Variants in WWOX observed in about 807,000 individuals in gnomAD.
WWOX encodes WW domain-containing oxidoreductase.
Under a neutral mutation model 46.2 loss-of-function variants are expected in WWOX, and 69 were observed. That is an observed-to-expected ratio of 1.49 (90% CI 1.23 to 1.82). The LOEUF is 1.82. Ranked by LOEUF, WWOX falls within the 40% of genes most tolerant of loss-of-function variation. The pLI, the probability that WWOX is intolerant of heterozygous loss-of-function variation, is 0.00. For synonymous variants in WWOX, 359 were observed against 202.6 expected, an observed-to-expected ratio of 1.77 and a Z score of -6.56; for missense variants, 919 against 542.6, an observed-to-expected ratio of 1.69 and a Z score of -6.89.
intron 8 of WWOX, among the ~76,000 whole-genome samples, chr16:78,802,049 C>T (rs74512866): frequency 0.037 from 5,624 of 152,136 alleles, 366 homozygotes; most frequent in African/African-American, 0.13. Flanking sequence ...TCTCCTGGCT[C>T]TGCTGGTTAT....
At position 79,096,952 on chromosome 16, in the gene WWOX, A is replaced by G. The variant is rs549989852; in HGVS notation, c.1057-114656A>G. The stretch of plus-strand genomic sequence containing the variant: ...GGGGACATCTGTGGGCATATTGGGG[A>G]GGGGGCCAGGAAGAAGCCAGGAAGG... On this transcript the variant is annotated intron_variant, in intron 8 of 8. Transcript: ENST00000566780. Among the ~76,000 whole-genome samples the G allele has an allele frequency of 2.8e-4, 43 of 151,944 alleles. No individual in the cohort carries two copies. In the Middle Eastern group the frequency reaches 0.014, roughly 48 times the overall value.
chr16:78,844,181 C>G (rs897022822), intron 8 of WWOX, among the ~76,000 whole-genome samples: 5 of 152,142 alleles, frequency 3.3e-5, no homozygotes, highest in Admixed American at 1.3e-4. Flanking sequence ...TGATTCCCCA[C>G]CTCCATACCT....
At chr16:78,265,202 T>C (rs964198457) in intron 5 of WWOX, among the ~76,000 whole-genome samples, 3 of 151,982 alleles carry the variant, frequency 2.0e-5, no homozygotes, top group Middle Eastern at 3.4e-3. Flanking sequence ...GGTTTCATCA[T>C]GTAGGCCAGG....
At chr16:79,073,474 C>T (rs2048590819) in intron 8 of WWOX, among the ~76,000 whole-genome samples, 1 of 152,138 alleles carries the variant, frequency 6.6e-6, no homozygotes, top group Non-Finnish European at 1.5e-5. Context: ...GCCACCGCGC[C>T]TGGCTTTGTT....
At chr16:78,486,222 C>G (rs893328445) in intron 8 of WWOX, among the ~76,000 whole-genome samples, 4 of 152,100 alleles carry the variant, frequency 2.6e-5, no homozygotes, top group Non-Finnish European at 5.9e-5. Flanking sequence ...TGGCTGATTT[C>G]AAGTTGCAGC....
At chr16:79,160,542 C>T (rs1330252493) in intron 8 of WWOX, among the ~76,000 whole-genome samples, 1 of 152,276 alleles carries the variant, frequency 6.6e-6, no homozygotes, top group East Asian at 1.9e-4. Flanking sequence ...TTGAAAGTGT[C>T]ATATAAATTC....
chr16:78,683,599 G>A (rs1042879892), intron 8 of WWOX, among the ~76,000 whole-genome samples: 8 of 151,668 alleles, frequency 5.3e-5, no homozygotes, highest in Admixed American at 2.0e-4. Flanking sequence ...ACAAAGTCTC[G>A]CTTTGTTGCC....
chr16:78,995,415 C>G (rs1305060118), intron 8 of WWOX, among the ~76,000 whole-genome samples: 1 of 152,120 alleles, frequency 6.6e-6, no homozygotes, highest in Admixed American at 6.6e-5. Context: ...AAAAGAAAGC[C>G]TTCCTTTTTC....
At chr16:78,802,939 A>C (rs113444128) in intron 8 of WWOX, among the ~76,000 whole-genome samples, 3 of 95,426 alleles carry the variant, frequency 3.1e-5, no homozygotes, top group African/African-American at 1.4e-4. Context: ...AAAAAAAAAA[A>C]AAACAACAAA....
At chr16:78,986,110 G>T (rs1285923896) in intron 8 of WWOX, among the ~76,000 whole-genome samples, 3 of 152,218 alleles carry the variant, frequency 2.0e-5, no homozygotes, top group Non-Finnish European at 4.4e-5. Context: ...GGCTCCGGGA[G>T]ACATTTATGG....
chr16:78,485,877 C>T (rs1047001479), intron 8 of WWOX, among the ~76,000 whole-genome samples: 2 of 152,192 alleles, frequency 1.3e-5, no homozygotes, highest in African/African-American at 4.8e-5. Context: ...GCATGGATCA[C>T]TTGGCGACAA....
rs187919918 is a variant in WWOX at position 79,130,850 on chromosome 16, G to A, written c.1057-80758G>A. On this transcript the variant is annotated intron_variant, in intron 8 of 8. Coordinates refer to ENST00000566780, the MANE Select transcript of WWOX (RefSeq NM_016373.4). ...TTCCATGTTCTCCGCACAGTGCGGA[G>A]CTACTGCGGGTGTGTGAGCCAAGGG... is the stretch of plus-strand genomic sequence containing the variant. 8.9e-3 allele frequency among the ~76,000 whole-genome samples: 1,357 copies of A among 152,332 alleles called. 13 individuals are homozygous for A. Among genetic ancestry groups the A allele is most frequent in the South Asian group, 0.028 (136 of 4,826 alleles).
intron 6 of WWOX, among the ~76,000 whole-genome samples, chr16:78,423,956 A>G (rs1211673341): frequency 6.6e-6 from 1 of 151,962 alleles, no homozygotes; most frequent in Non-Finnish European, 1.5e-5. Context: ...TGATCTCTAT[A>G]AGAAATTCTG....
intron 8 of WWOX, chr16:78,535,006 G>A (rs184209620): frequency 2.6e-5 from 4 of 152,224 alleles, no homozygotes; most frequent in Admixed American, 6.5e-5. Flanking sequence ...GCCACCGCAC[G>A]CAGCGTATTG....
intron 8 of WWOX, among the ~76,000 whole-genome samples, chr16:78,774,646 T>C (rs921836843): frequency 6.6e-6 from 1 of 151,966 alleles, no homozygotes; most frequent in African/African-American, 2.4e-5. Flanking sequence ...CATGAGGTGC[T>C]CCCAGGCTCC....
intron 8 of WWOX, among the ~76,000 whole-genome samples, chr16:78,701,827 A>G (rs1377247170): frequency 1.3e-5 from 2 of 151,556 alleles, no homozygotes; most frequent in Non-Finnish European, 2.9e-5. Context: ...GTTTCTCTCC[A>G]TGATGGCGCA....
At chr16:78,896,368 C>G (rs151063770) in intron 8 of WWOX, 4 of 152,166 alleles carry the variant, frequency 2.6e-5, no homozygotes, top group Non-Finnish European at 5.9e-5. Context: ...CAAAAACGGG[C>G]TGGGACCACT....
At chr16:78,718,971 A>G (rs2048631350) in intron 8 of WWOX, among the ~76,000 whole-genome samples, 1 of 151,928 alleles carries the variant, frequency 6.6e-6, no homozygotes, top group Non-Finnish European at 1.5e-5. Context: ...ACTCATTCAC[A>G]TTTTTTTGAG....
chr16:78,411,929 C>A (rs1224449858), intron 6 of WWOX, among the ~76,000 whole-genome samples: 1 of 152,194 alleles, frequency 6.6e-6, no homozygotes, highest in African/African-American at 2.4e-5. Flanking sequence ...TACTGGAAAT[C>A]TGTTTCCGCC....
Sources: gnomAD v4.1 joint callset for allele counts (sites outside exome capture counted in the v4.1 genomes callset) on GRCh38, gnomAD v4.1.1 for gene constraint, MANE v1.5 for transcripts, NCBI Gene and HGNC (gene_info 2026-07-23, HGNC 2026-07-21) for gene names.